MEF2A: variants seen among roughly 807,000 people sequenced by gnomAD.
MEF2A encodes myocyte enhancer factor 2A, also known as myocyte-specific enhancer factor 2A.
MEF2A carries 28 observed loss-of-function variants against 55.8 expected under a neutral mutation model. The observed-to-expected ratio is 0.50, with a 90% confidence interval of 0.37 to 0.69. MEF2A has a LOEUF of 0.69. Among genes scored for constraint, MEF2A ranks in the 30% least tolerant of loss-of-function variants. The pLI is 0.00. For missense variants in MEF2A, 528 were observed against 626.2 expected, an observed-to-expected ratio of 0.84 and a Z score of 1.67; for synonymous variants, 239 against 227.1, an observed-to-expected ratio of 1.05 and a Z score of -0.47.
chr15:99,612,671 T>C (rs1334053764), intron 2 of MEF2A, among the ~76,000 whole-genome samples: 3 of 152,118 alleles, frequency 2.0e-5, no homozygotes, highest in Non-Finnish European at 2.9e-5. Context: ...TGCTACTGCG[T>C]TCCAATCTGG....
intron 2 of MEF2A, among the ~76,000 whole-genome samples, chr15:99,611,645 A>G (rs1475509441): frequency 1.3e-5 from 2 of 152,240 alleles, no homozygotes; most frequent in Non-Finnish European, 2.9e-5. Flanking sequence ...TTGTTACCAT[A>G]TGACCCAGCA....
intron 8 of MEF2A, among the ~76,000 whole-genome samples, chr15:99,694,936 A>G (rs1046045937): frequency 4.7e-5 from 7 of 150,178 alleles, no homozygotes; most frequent in East Asian, 3.9e-4. Context: ...TTTGAGGGCT[A>G]TCTACTTGAT....
At chr15:99,704,601 C>T (rs979748423) in intron 9 of MEF2A, among the ~76,000 whole-genome samples, 3 of 152,142 alleles carry the variant, frequency 2.0e-5, no homozygotes, top group African/African-American at 4.8e-5. Context: ...AACTCAGTGC[C>T]GTTGAGATGA....
intron 5 of MEF2A, among the ~76,000 whole-genome samples, chr15:99,673,858 CTT>C (rs11321800): frequency 2.2e-3 from 330 of 149,628 alleles, no homozygotes; most frequent in African/African-American, 7.3e-3. Flanking sequence ...TATATAATTA[CTT>C]TTTTTTTTTC....
intron 7 of MEF2A, among the ~76,000 whole-genome samples, chr15:99,687,824 G>C (rs554143926): frequency 6.6e-6 from 1 of 152,312 alleles, no homozygotes; most frequent in African/African-American, 2.4e-5. Flanking sequence ...TTGAAGACCT[G>C]TAGGCTTTTT....
intron 8 of MEF2A, among the ~76,000 whole-genome samples, chr15:99,699,121 G>A (rs532818187): frequency 2.1e-4 from 31 of 151,208 alleles, no homozygotes; most frequent in Non-Finnish European, 3.8e-4. Context: ...GAGTATTTAC[G>A]CACATGAATT....
At chr15:99,696,800 AT>A (rs200342966) in intron 8 of MEF2A, among the ~76,000 whole-genome samples, 1 of 151,948 alleles carries the variant, frequency 6.6e-6, no homozygotes, top group South Asian at 2.1e-4. Flanking sequence ...TTTCCAACTT[AT>A]TTTTTTAGGT....
chr15:99,612,699 C>G (rs2039494171), intron 2 of MEF2A, among the ~76,000 whole-genome samples: 1 of 151,980 alleles, frequency 6.6e-6, no homozygotes, highest in Non-Finnish European at 1.5e-5. Flanking sequence ...AGTGGAAACC[C>G]TGTCTTTAAA....
At chr15:99,653,211 A>G (rs1246107571) in intron 4 of MEF2A, among the ~76,000 whole-genome samples, 1 of 152,210 alleles carries the variant, frequency 6.6e-6, no homozygotes, top group African/African-American at 2.4e-5. Context: ...ATGATCTTTC[A>G]GTTCTCTTAT....
intron 10 of MEF2A, among the ~76,000 whole-genome samples, chr15:99,707,709 C>T (rs893179270): frequency 3.9e-5 from 6 of 152,122 alleles, no homozygotes; most frequent in African/African-American, 1.4e-4. Flanking sequence ...CTCCCTTGCC[C>T]ATTACTCAGA....
At chr15:99,582,645 T>A (rs775361778) in intron 1 of MEF2A, among the ~76,000 whole-genome samples, 3 of 152,048 alleles carry the variant, frequency 2.0e-5, no homozygotes, top group Non-Finnish European at 2.9e-5. Flanking sequence ...GACTCAGGAT[T>A]TTACGCTTTG....
chr15:99,663,179 C>T (rs1250049200), intron 4 of MEF2A, among the ~76,000 whole-genome samples: 1 of 151,864 alleles, frequency 6.6e-6, no homozygotes, highest in East Asian at 1.9e-4. Context: ...AATGTAGTGT[C>T]ATATGTCAAG....
At chr15:99,613,295 C>T (rs978578722) in intron 2 of MEF2A, among the ~76,000 whole-genome samples, 4 of 152,104 alleles carry the variant, frequency 2.6e-5, no homozygotes, top group African/African-American at 7.2e-5. Flanking sequence ...CAGTTGAATC[C>T]GGTGTTCTTT....
chr15:99,668,285 G>A (rs967926973), intron 4 of MEF2A, among the ~76,000 whole-genome samples: 1 of 152,148 alleles, frequency 6.6e-6, no homozygotes, highest in Non-Finnish European at 1.5e-5. Context: ...AGAACAGGGT[G>A]TATCATCGGC....
intron 1 of MEF2A, among the ~76,000 whole-genome samples, chr15:99,582,065 C>T (rs1966098828): frequency 6.6e-6 from 1 of 151,842 alleles, no homozygotes; most frequent in Non-Finnish European, 1.5e-5. Flanking sequence ...AAATTTTGTT[C>T]TTCAGGTAAA....
chr15:99,642,301 T>G (rs2045159204), intron 3 of MEF2A, among the ~76,000 whole-genome samples: 1 of 152,212 alleles, frequency 6.6e-6, no homozygotes, highest in African/African-American at 2.4e-5. Flanking sequence ...ATTCAGTAAC[T>G]TAATCTGAAT....
intron 1 of MEF2A, among the ~76,000 whole-genome samples, chr15:99,571,808 A>G (rs543258936): frequency 3.9e-4 from 59 of 152,212 alleles, no homozygotes; most frequent in African/African-American, 1.3e-3. Flanking sequence ...CAAGCCAAAA[A>G]CTTAAGATAT....
At chr15:99,595,939 C>T (rs578098739) in intron 1 of MEF2A, among the ~76,000 whole-genome samples, 1 of 152,092 alleles carries the variant, frequency 6.6e-6, no homozygotes, top group African/African-American at 2.4e-5. Flanking sequence ...GGCTGTCTCC[C>T]TTTTAGGTGG....
chr15:99,689,625 C>T (rs758284110), intron 7 of MEF2A, among the ~76,000 whole-genome samples: 27 of 152,104 alleles, frequency 1.8e-4, no homozygotes, highest in Non-Finnish European at 1.8e-4. Flanking sequence ...GGATCACAGG[C>T]GGGCGCCACC....
Sources: allele counts gnomAD v4.1 joint callset (sites outside exome capture counted in the v4.1 genomes callset), GRCh38; gene constraint gnomAD v4.1.1; transcripts MANE v1.5; gene names NCBI Gene and HGNC (gene_info 2026-07-23, HGNC 2026-07-21).